Variants in UNC5D observed in about 807,000 individuals in gnomAD.
UNC5D encodes netrin receptor UNC5D.
UNC5D carries 39 observed loss-of-function variants against 105.4 expected under a neutral mutation model. The ratio of observed to expected loss-of-function variants is 0.37; its 90% CI spans 0.29 to 0.48. The LOEUF (loss-of-function observed/expected upper bound fraction) is 0.48, where lower values mean the gene tolerates loss of function less well. Among genes scored for constraint, UNC5D ranks in the 20% least tolerant of loss-of-function variants. The pLI, the probability that UNC5D is intolerant of heterozygous loss-of-function variation, is 0.98. For synonymous variants in UNC5D, 452 were observed against 450.4 expected, an observed-to-expected ratio of 1.00 and a Z score of -0.04; for missense variants, 991 against 1,202.4, an observed-to-expected ratio of 0.82 and a Z score of 2.60.
At chr8:35,748,836 A>T in intron 12 of UNC5D, 141 bp downstream of exon 12, 1 of 875,506 alleles carries the variant, frequency 1.1e-6, no homozygotes, top group Non-Finnish European at 1.7e-6. Flanking sequence ...AATATCCTAA[A>T]CATATTGGCT....
intron 3 of UNC5D, among the ~76,000 whole-genome samples, chr8:35,585,298 C>G (rs570838509): frequency 1.3e-5 from 2 of 152,266 alleles, no homozygotes; most frequent in African/African-American, 4.8e-5. Context: ...CATGACAGGA[C>G]CTTTTGCATC....
At chr8:35,657,805 T>C (rs1203958522) in intron 4 of UNC5D, among the ~76,000 whole-genome samples, 2 of 152,212 alleles carry the variant, frequency 1.3e-5, no homozygotes, top group African/African-American at 4.8e-5. Context: ...ATTATTTTCA[T>C]AGCAATTTAA....
rs530008774 is a variant in UNC5D at position 35,494,095 on chromosome 8, G to A, written c.104-55197G>A. Among the ~76,000 whole-genome samples the A allele has an allele frequency of 5.3e-5, 8 of 151,982 alleles. No individual in the cohort carries two copies. The South Asian group carries it at 1.7e-3, about 32-fold the overall frequency. On this transcript the variant is annotated intron_variant, in intron 1 of 16. Coordinates refer to ENST00000404895, the MANE Select transcript of UNC5D (RefSeq NM_080872.4). ...TGATCTTTCTTATCCTCTCTTTTTTGTCTATTCTGAATTTTTATTGTTGCA... is the reference window on the plus strand; with the variant it reads ...TGATCTTTCTTATCCTCTCTTTTTTATCTATTCTGAATTTTTATTGTTGCA...
chr8:35,447,350 T>C (rs1469225305), intron 1 of UNC5D, among the ~76,000 whole-genome samples: 1 of 152,040 alleles, frequency 6.6e-6, no homozygotes, highest in Non-Finnish European at 1.5e-5. Flanking sequence ...CAAGGACAAA[T>C]GGCTAGCTGT....
intron 4 of UNC5D, among the ~76,000 whole-genome samples, chr8:35,606,179 G>T (rs570270423): frequency 1.3e-5 from 2 of 151,720 alleles, no homozygotes; most frequent in South Asian, 4.2e-4. Flanking sequence ...GTAGAGATGG[G>T]GTTTCACCAC....
chr8:35,668,708 G>A (rs888890472), intron 4 of UNC5D, among the ~76,000 whole-genome samples: 1 of 152,058 alleles, frequency 6.6e-6, no homozygotes, highest in African/African-American at 2.4e-5. Context: ...AGTTAACAGA[G>A]TAGGAAAGTA....
chr8:35,612,723 C>CTTTTTTTTCTT (rs1820766374), intron 4 of UNC5D, among the ~76,000 whole-genome samples: 3 of 64,744 alleles, frequency 4.6e-5, no homozygotes, highest in Admixed American at 2.4e-4. Flanking sequence ...AATGTTTTGC[C>CTTTTTTTTCTT]TTTTTTTTTT....
chr8:35,635,593 A>G (rs905185703), intron 4 of UNC5D, among the ~76,000 whole-genome samples: 1 of 152,160 alleles, frequency 6.6e-6, no homozygotes, highest in Admixed American at 6.5e-5. Flanking sequence ...GACTGCTGGC[A>G]GTTCATTGAT....
rs1236809343 is a variant in UNC5D at position 35,795,578 on chromosome 8, T to A, written c.*5015T>A. 1.3e-5 allele frequency: 2 copies of A among 152,086 alleles called. No homozygotes were observed. Among genetic ancestry groups the A allele is most frequent in the Non-Finnish European group, 2.9e-5 (2 of 68,016 alleles). The allele number at this position is 152,086 out of a possible 1,614,324, so 9.4% of individuals were successfully genotyped here. On this transcript the variant is annotated 3_prime_UTR_variant, in exon 17 of 17. Transcript: ENST00000404895. The stretch of plus-strand genomic sequence containing the variant: ...AGAAATAGACCTAATAATTCCAATA[T>A]CCCTCCATTAACTAGTTCCAGTGAT...
intron 1 of UNC5D, among the ~76,000 whole-genome samples, chr8:35,450,073 CAT>C (rs1446885649): frequency 2.6e-5 from 4 of 152,156 alleles, no homozygotes; most frequent in Admixed American, 2.0e-4. Flanking sequence ...TTCAGTGACA[CAT>C]GTTTGTTAGG....
At chr8:35,764,272 A>G (rs1049810390) in intron 14 of UNC5D, among the ~76,000 whole-genome samples, 1 of 152,214 alleles carries the variant, frequency 6.6e-6, no homozygotes, top group Non-Finnish European at 1.5e-5. Flanking sequence ...GCTTAGGGGT[A>G]TAATGCCAGG....
chr8:35,679,626 C>T (rs562439966), intron 4 of UNC5D, among the ~76,000 whole-genome samples: 1 of 152,212 alleles, frequency 6.6e-6, no homozygotes, highest in Admixed American at 6.5e-5. Flanking sequence ...GATTCAAAGC[C>T]ACTGAATGAT....
At chr8:35,644,384 G>C (rs1822926229) in intron 4 of UNC5D, among the ~76,000 whole-genome samples, 1 of 152,064 alleles carries the variant, frequency 6.6e-6, no homozygotes, top group African/African-American at 2.4e-5. Flanking sequence ...ATCCACAGGG[G>C]ACCAAGATGT....
Position 35,726,187 on chromosome 8 carries a change from G to A in UNC5D, c.1339G>A (p.Asp447Asn), listed in dbSNP as rs868440564. Reference sequence around the variant, plus strand: ...GCTCCTGAATTCTGCCATGCAGCCAGATCTGACAGTGAGCCGGACATACAG... The same window carrying A: ...GCTCCTGAATTCTGCCATGCAGCCAAATCTGACAGTGAGCCGGACATACAG... ...SLLLNSAMQP[D>N]LTVSRTYSGP... The change falls in exon 10 of 17, where the codon GAT becomes AAT. Residue 447 changes from aspartate (D) to asparagine (N), a missense_variant. Asp to Asn is a conservative substitution (Grantham distance 23). Transcript: ENST00000404895. The A allele has an allele frequency of 6.2e-7, 1 of 1,613,608 alleles. No individual in the cohort carries two copies. Among genetic ancestry groups the A allele is most frequent in the Non-Finnish European group, 8.5e-7 (1 of 1,179,622 alleles).
At chr8:35,517,789 T>G (rs1813198201) in intron 1 of UNC5D, among the ~76,000 whole-genome samples, 1 of 152,062 alleles carries the variant, frequency 6.6e-6, no homozygotes, top group Non-Finnish European at 1.5e-5. Flanking sequence ...CAACAGAAAT[T>G]TATTTCTTGT....
intron 1 of UNC5D, among the ~76,000 whole-genome samples, chr8:35,276,063 T>C (rs1001774323): frequency 1.3e-5 from 2 of 152,208 alleles, no homozygotes; most frequent in African/African-American, 4.8e-5. Context: ...AAATTGAAGA[T>C]ACAACGTGTT....
rs151150773 is a variant in UNC5D, at chr8:35,309,927, T to C, written c.103+74040T>C. Among the ~76,000 whole-genome samples the C allele has an allele frequency of 5.3e-5, 8 of 152,340 alleles. No individual in the cohort carries two copies. In the East Asian group the frequency reaches 1.4e-3, roughly 26 times the overall value. On this transcript the variant is annotated intron_variant, in intron 1 of 16. Coordinates refer to ENST00000404895, the MANE Select transcript of UNC5D (RefSeq NM_080872.4). ...AACCTAGTATACCAACTTTGAATTTTGATTAATTTTAAATTTAGTGATAGT... is the reference window on the plus strand; with the variant it reads ...AACCTAGTATACCAACTTTGAATTTCGATTAATTTTAAATTTAGTGATAGT...
At position 35,641,954 on chromosome 8, in the gene UNC5D, G is replaced by A. The variant is rs150416479; in HGVS notation, c.571-41593G>A. On this transcript the variant is annotated intron_variant, in intron 4 of 16. Transcript: ENST00000404895. ...GTACCATCTCACTATTGAATACCCT[G>A]AAAATTCTCTCAAACACTCCAAGAC... Among the ~76,000 whole-genome samples, 195 of 152,190 alleles carry A rather than the reference G, an allele frequency of 1.3e-3. 1 individual carries two copies. The highest frequency in any genetic ancestry group is 4.5e-3 in the African/African-American group (188 of 41,526).
At chr8:35,597,603 G>C (rs1474799871) in intron 4 of UNC5D, among the ~76,000 whole-genome samples, 1 of 152,168 alleles carries the variant, frequency 6.6e-6, no homozygotes, top group Non-Finnish European at 1.5e-5. Flanking sequence ...TCTGTGCCGG[G>C]TCACTACCAT....
Sources: allele counts gnomAD v4.1 joint callset (sites outside exome capture counted in the v4.1 genomes callset), GRCh38; gene constraint gnomAD v4.1.1; transcripts MANE v1.5; gene names NCBI Gene and HGNC (gene_info 2026-07-23, HGNC 2026-07-21).